Variants in ASTN2 observed in about 807,000 individuals in gnomAD.
ASTN2 encodes astrotactin-2.
ASTN2 carries 54 observed loss-of-function variants against 139.8 expected under a neutral mutation model. The ratio of observed to expected loss-of-function variants is 0.39; its 90% CI spans 0.31 to 0.48. ASTN2 has a LOEUF of 0.48. Ranked by LOEUF, ASTN2 falls within the 20% of genes least tolerant of loss-of-function variation. ASTN2 has a pLI of 0.95. For synonymous variants in ASTN2, 756 were observed against 719.5 expected, an observed-to-expected ratio of 1.05 and a Z score of -0.81; for missense variants, 1,565 against 1,725.1, an observed-to-expected ratio of 0.91 and a Z score of 1.64.
intron 19 of ASTN2, among the ~76,000 whole-genome samples, chr9:116,499,861 G>A (rs1849796698): frequency 6.6e-6 from 1 of 152,090 alleles, no homozygotes; most frequent in Non-Finnish European, 1.5e-5. Context: ...ACCTTCTTAT[G>A]AGATTCTGTA....
chr9:116,667,003 TG>T (rs1366782077), intron 16 of ASTN2, among the ~76,000 whole-genome samples: 5 of 135,426 alleles, frequency 3.7e-5, no homozygotes, highest in Admixed American at 8.3e-5. Flanking sequence ...TCACCCAGGC[TG>T]GGGTGTAGCG....
intron 19 of ASTN2, among the ~76,000 whole-genome samples, chr9:116,548,963 C>T (rs1474293085): frequency 4.6e-5 from 7 of 152,086 alleles, no homozygotes; most frequent in Non-Finnish European, 1.0e-4. Flanking sequence ...TTTAAGGATT[C>T]TATCAAAGAG....
At chr9:117,410,357 C>T (rs909924311) in intron 1 of ASTN2, among the ~76,000 whole-genome samples, 4 of 152,104 alleles carry the variant, frequency 2.6e-5, no homozygotes, top group African/African-American at 9.7e-5. Context: ...GGCAGTTGTT[C>T]CTGCTCAAAT....
chr9:117,065,584 G>C lies in ASTN2; in HGVS notation c.1277-25619C>G, dbSNP rs184669649. Among the ~76,000 whole-genome samples, 209 of 152,266 alleles carry C rather than the reference G, an allele frequency of 1.4e-3. 2 individuals are homozygous for C. Among genetic ancestry groups the C allele is most frequent in the Non-Finnish European group, 4.4e-5 (3 of 68,014 alleles). Reference sequence around the variant, plus strand: ...GAATTTAGAGTTTGCCTGGAGTGTAGACCATCTGTGACTCAGTTCAGAGTA... The same window carrying C: ...GAATTTAGAGTTTGCCTGGAGTGTACACCATCTGTGACTCAGTTCAGAGTA... On this transcript the variant is annotated intron_variant, in intron 5 of 22. Coordinates refer to ENST00000313400, the MANE Select transcript of ASTN2 (RefSeq NM_001365068.1).
intron 19 of ASTN2, among the ~76,000 whole-genome samples, chr9:116,563,365 ACTCTGT>A (rs981375399): frequency 6.7e-6 from 1 of 150,160 alleles, no homozygotes; most frequent in Non-Finnish European, 1.5e-5. Flanking sequence ...ATAGAGCGAG[ACTCTGT>A]CTCAAAAAAA....
intron 19 of ASTN2, chr9:116,545,804 T>C (rs1303781879): frequency 6.6e-6 from 1 of 152,208 alleles, no homozygotes; most frequent in Non-Finnish European, 1.5e-5. Context: ...AACACAATTC[T>C]AGCATCTAAA....
chr9:116,597,301 T>TTTTGTTTTTTG (rs1854633417), intron 19 of ASTN2, among the ~76,000 whole-genome samples: 2 of 87,660 alleles, frequency 2.3e-5, no homozygotes, highest in East Asian at 4.6e-4. Context: ...TTTGATCTAT[T>TTTTGTTTTTTG]TTTTTTTTTT....
At chr9:116,787,964 G>A (rs1270518299) in intron 13 of ASTN2, among the ~76,000 whole-genome samples, 1 of 151,986 alleles carries the variant, frequency 6.6e-6, no homozygotes, top group African/African-American at 2.4e-5. Flanking sequence ...CTATCTTTGT[G>A]GTTTATCTAT....
chr9:116,945,298 G>T (rs1373714171), intron 10 of ASTN2, among the ~76,000 whole-genome samples: 2 of 152,160 alleles, frequency 1.3e-5, no homozygotes, highest in African/African-American at 2.4e-5. Flanking sequence ...CTTAGAAAGG[G>T]ATGGGGCTCA....
intron 13 of ASTN2, among the ~76,000 whole-genome samples, chr9:116,803,610 C>T (rs900803467): frequency 1.4e-5 from 2 of 147,706 alleles, no homozygotes; most frequent in African/African-American, 2.5e-5. Flanking sequence ...CTGCAAGCTC[C>T]GCCTCCTGGG....
intron 14 of ASTN2, among the ~76,000 whole-genome samples, chr9:116,731,298 A>G (rs1310623153): frequency 1.3e-5 from 2 of 151,928 alleles, no homozygotes; most frequent in Non-Finnish European, 2.9e-5. Flanking sequence ...AAAGAATCAT[A>G]ACAATTTGAA....
chr9:116,619,460 T>G (rs903927170), intron 18 of ASTN2, among the ~76,000 whole-genome samples: 7 of 152,038 alleles, frequency 4.6e-5, no homozygotes, highest in Non-Finnish European at 8.8e-5. Flanking sequence ...TCCTTCCAAC[T>G]AAAACATCTC....
chr9:116,697,568 G>A, intron 16 of ASTN2: 1 of 797,108 alleles, frequency 1.3e-6, no homozygotes, highest in South Asian at 1.7e-5. Flanking sequence ...GGGAATGACT[G>A]AATGACTGGT....
chr9:117,025,124 C>T lies in ASTN2; in HGVS notation c.1423+14695G>A, dbSNP rs866188383. ...TAGCGTGAGAACAGACTAATACAAG[C>T]GGCAAAGGGATTTAGGCAAAAGGAA... On this transcript the variant is annotated intron_variant, in intron 6 of 22. Transcript: ENST00000313400. 4.6e-5 allele frequency among the ~76,000 whole-genome samples: 7 copies of T among 152,152 alleles called. No individual in the cohort carries two copies. In the East Asian group the frequency reaches 7.7e-4, roughly 17 times the overall value.
chr9:116,643,865 C>A (rs1006498906), intron 17 of ASTN2, among the ~76,000 whole-genome samples: 3 of 152,136 alleles, frequency 2.0e-5, no homozygotes, highest in Non-Finnish European at 4.4e-5. Context: ...TTGCACTATT[C>A]AAAAATAAAT....
chr9:116,712,658 A>T (rs951213069), intron 16 of ASTN2, among the ~76,000 whole-genome samples: 1 of 152,136 alleles, frequency 6.6e-6, no homozygotes, highest in African/African-American at 2.4e-5. Flanking sequence ...AGGTGGGAGG[A>T]GTGGTTCCCT....
At chr9:116,594,017 C>A (rs1293173729) in intron 19 of ASTN2, among the ~76,000 whole-genome samples, 1 of 152,218 alleles carries the variant, frequency 6.6e-6, no homozygotes, top group Non-Finnish European at 1.5e-5. Flanking sequence ...CCAGGTATAT[C>A]TTTGCACTTC....
chr9:117,094,177 A>C, intron 5 of ASTN2, among the ~76,000 whole-genome samples: 1 of 89,762 alleles, frequency 1.1e-5, no homozygotes, highest in African/African-American at 4.5e-5. Flanking sequence ...GGAGGAAGGG[A>C]GGGAGGGAGG....
At chr9:117,050,183 A>G (rs2132666360) in intron 5 of ASTN2, among the ~76,000 whole-genome samples, 1 of 152,240 alleles carries the variant, frequency 6.6e-6, no homozygotes, top group East Asian at 1.9e-4. Context: ...AAGGCCAAGC[A>G]GTGAGTGCTG....
Sources: allele counts gnomAD v4.1 joint callset (sites outside exome capture counted in the v4.1 genomes callset), GRCh38; gene constraint gnomAD v4.1.1; transcripts MANE v1.5; gene names NCBI Gene and HGNC (gene_info 2026-07-23, HGNC 2026-07-21).